The following HS3ST4 variants were observed in gnomAD, a reference collection of about 807,000 sequenced individuals.
HS3ST4 encodes the protein heparan sulfate-glucosamine 3-sulfotransferase 4.
Under a neutral mutation model 29.2 loss-of-function variants are expected in HS3ST4, and 17 were observed. The ratio of observed to expected loss-of-function variants is 0.58; its 90% CI spans 0.40 to 0.87. The LOEUF is 0.87. Ranked by LOEUF, HS3ST4 falls within the 40% of genes least tolerant of loss-of-function variation. The pLI is 0.00. For missense variants in HS3ST4, 627 were observed against 634.5 expected, an observed-to-expected ratio of 0.99 and a Z score of 0.13; for synonymous variants, 314 against 285.7, an observed-to-expected ratio of 1.10 and a Z score of -1.00.
At chr16:26,007,171 A>G (rs180824173) in intron 1 of HS3ST4, among the ~76,000 whole-genome samples, 1 of 152,382 alleles carries the variant, frequency 6.6e-6, no homozygotes, top group African/African-American at 2.4e-5. Flanking sequence ...AATTACCAGT[A>G]GGAACTAATT....
chr16:25,934,693 G>A (rs539029921), intron 1 of HS3ST4, among the ~76,000 whole-genome samples: 11 of 152,252 alleles, frequency 7.2e-5, no homozygotes, highest in African/African-American at 1.2e-4. Flanking sequence ...GCACCAAACC[G>A]GAGAACACTT....
At chr16:25,765,503 C>A (rs1157575386) in intron 1 of HS3ST4, among the ~76,000 whole-genome samples, 1 of 152,114 alleles carries the variant, frequency 6.6e-6, no homozygotes. Flanking sequence ...GAGGGGCTAC[C>A]ATTGCATTGG....
intron 1 of HS3ST4, among the ~76,000 whole-genome samples, chr16:25,946,717 C>G (rs1968629379): frequency 6.6e-6 from 1 of 152,040 alleles, no homozygotes; most frequent in African/African-American, 2.4e-5. Flanking sequence ...GTGCATGGTG[C>G]TAAGAGCATA....
chr16:25,779,436 AT>A, intron 1 of HS3ST4, among the ~76,000 whole-genome samples: 1 of 152,312 alleles, frequency 6.6e-6, no homozygotes, highest in South Asian at 2.1e-4. Flanking sequence ...CTTGAAGCCC[AT>A]ATTCTTTCCT....
intron 1 of HS3ST4, among the ~76,000 whole-genome samples, chr16:25,997,502 C>A (rs1026260725): frequency 8.5e-5 from 13 of 152,098 alleles, no homozygotes; most frequent in African/African-American, 3.1e-4. Flanking sequence ...AAGACTGAAC[C>A]AAGGCTCTCA....
intron 1 of HS3ST4, among the ~76,000 whole-genome samples, chr16:25,923,246 T>G (rs1371437435): frequency 2.0e-5 from 3 of 152,194 alleles, no homozygotes; most frequent in African/African-American, 7.2e-5. Flanking sequence ...TCTTGTGAGT[T>G]TTTTGAACTG....
chr16:25,801,430 G>C (rs1395496045), intron 1 of HS3ST4, among the ~76,000 whole-genome samples: 1 of 152,170 alleles, frequency 6.6e-6, no homozygotes, highest in Admixed American at 6.6e-5. Flanking sequence ...CTGTGAGGCA[G>C]CTTCTTAGAA....
intron 1 of HS3ST4, among the ~76,000 whole-genome samples, chr16:25,810,796 CG>C (rs1402337022): frequency 6.6e-6 from 1 of 152,090 alleles, no homozygotes; most frequent in African/African-American, 2.4e-5. Context: ...TGTTTTCCCC[CG>C]GTTGTATAAA....
At chr16:26,106,387 A>C (rs1332526199) in intron 1 of HS3ST4, among the ~76,000 whole-genome samples, 1 of 152,090 alleles carries the variant, frequency 6.6e-6, no homozygotes, top group Admixed American at 6.6e-5. Context: ...CTTCAAAGGA[A>C]CCTATCTGGC....
At chr16:26,013,933 G>C (rs892051685) in intron 1 of HS3ST4, among the ~76,000 whole-genome samples, 3 of 151,860 alleles carry the variant, frequency 2.0e-5, no homozygotes, top group Admixed American at 6.6e-5. Context: ...TTTTGAACCT[G>C]GGAGGCAGAG....
In HS3ST4 at chr16:25,828,298, T is replaced by TCTC. The variant is rs1567249508; in HGVS notation, c.734+135147_734+135148insCTC. On this transcript the variant is annotated intron_variant, in intron 1 of 1. Coordinates refer to ENST00000331351, the MANE Select transcript of HS3ST4 (RefSeq NM_006040.3). The stretch of plus-strand genomic sequence containing the variant: ...TTTCTTTCTTTCTTTCTTTCTTTCT[T>TCTC]TCCCTCTCTCTCTCTCTCTCTCTCT... Among the ~76,000 whole-genome samples the TCTC allele has an allele frequency of 2.1e-3, 58 of 27,894 alleles. 1 individual carries two copies. The highest frequency in any genetic ancestry group is 3.0e-3 in the Non-Finnish European group (43 of 14,264). 18.3% of individuals were successfully genotyped at this position (27,894 alleles called of 152,430 possible).
intron 1 of HS3ST4, among the ~76,000 whole-genome samples, chr16:25,740,233 A>G (rs988899873): frequency 6.6e-6 from 1 of 152,184 alleles, no homozygotes; most frequent in African/African-American, 2.4e-5. Flanking sequence ...TTGCATTTGA[A>G]TGACATCTTA....
chr16:25,935,237 C>T (rs575434529), intron 1 of HS3ST4, among the ~76,000 whole-genome samples: 22 of 152,198 alleles, frequency 1.4e-4, no homozygotes, highest in African/African-American at 3.4e-4. Context: ...AGTGTGAAAA[C>T]GGACTAATAC....
At chr16:26,014,192 G>A (rs796188021) in intron 1 of HS3ST4, among the ~76,000 whole-genome samples, 6 of 152,028 alleles carry the variant, frequency 3.9e-5, no homozygotes, top group African/African-American at 1.4e-4. Context: ...CTACTAGTAT[G>A]TAAACTCTAT....
chr16:25,740,363 C>G (rs1047291982), intron 1 of HS3ST4, among the ~76,000 whole-genome samples: 15 of 152,154 alleles, frequency 9.9e-5, no homozygotes, highest in African/African-American at 3.4e-4. Context: ...TAAATTGTGG[C>G]ACCATTGAGT....
intron 1 of HS3ST4, among the ~76,000 whole-genome samples, chr16:25,785,339 T>A (rs1966856427): frequency 1.3e-5 from 2 of 152,066 alleles, no homozygotes; most frequent in South Asian, 4.1e-4. Context: ...TAGAGATGAG[T>A]GTAAGTAGAG....
At position 25,822,700 on chromosome 16, in the gene HS3ST4, G is replaced by A. The variant is rs1302981204; in HGVS notation, c.734+129549G>A. 2.6e-5 allele frequency among the ~76,000 whole-genome samples: 4 copies of A among 152,052 alleles called. No homozygotes were observed. The South Asian group carries it at 6.3e-4, about 24-fold the overall frequency. On this transcript the variant is annotated intron_variant, in intron 1 of 1. Coordinates refer to ENST00000331351, the MANE Select transcript of HS3ST4 (RefSeq NM_006040.3). The stretch of plus-strand genomic sequence containing the variant: ...TTCCTTCATATTTGGAGGGTGGGTG[G>A]GGGAAGAAGCTGAGGTGTGTGTTCC...
intron 1 of HS3ST4, among the ~76,000 whole-genome samples, chr16:25,975,424 T>C (rs1331559023): frequency 6.6e-6 from 1 of 152,048 alleles, no homozygotes; most frequent in Non-Finnish European, 1.5e-5. Context: ...ATTCGGCATA[T>C]TGGTAAGTTT....
chr16:25,889,798 G>C (rs1384535540), intron 1 of HS3ST4, among the ~76,000 whole-genome samples: 1 of 152,008 alleles, frequency 6.6e-6, no homozygotes, highest in African/African-American at 2.4e-5. Context: ...GGAGGGGCTC[G>C]GTAGGAGGTA....
Sources: gnomAD v4.1 joint callset for allele counts (sites outside exome capture counted in the v4.1 genomes callset) on GRCh38, gnomAD v4.1.1 for gene constraint, MANE v1.5 for transcripts, NCBI Gene and HGNC (gene_info 2026-07-23, HGNC 2026-07-21) for gene names.